Variants in ASIC2 observed in about 807,000 individuals in gnomAD.
ASIC2 encodes acid sensing ion channel subunit 2.
Under a neutral mutation model 57.3 loss-of-function variants are expected in ASIC2, and 25 were observed. The observed-to-expected ratio is 0.44, with a 90% CI of 0.32 to 0.61. The LOEUF (loss-of-function observed/expected upper bound fraction) is 0.61, where lower values mean the gene tolerates loss of function less well. Among genes scored for constraint, ASIC2 ranks in the 20% least tolerant of loss-of-function variants. ASIC2 has a pLI of 0.06. For missense variants in ASIC2, 641 were observed against 738.1 expected, an observed-to-expected ratio of 0.87 and a Z score of 1.52; for synonymous variants, 319 against 307.5, an observed-to-expected ratio of 1.04 and a Z score of -0.39.
At chr17:33,746,657 A>G (rs1249690412) in intron 1 of ASIC2, among the ~76,000 whole-genome samples, 1 of 152,018 alleles carries the variant, frequency 6.6e-6, no homozygotes, top group Admixed American at 6.5e-5. Context: ...CACTTTTAAT[A>G]ATGGATAGAA....
chr17:33,725,843 T>G (rs8067435), intron 1 of ASIC2, among the ~76,000 whole-genome samples: 26,495 of 151,556 alleles, frequency 0.17, 2,908 homozygotes, highest in African/African-American at 0.31. Context: ...CACAAACCGC[T>G]GTAGCACAAC....
At chr17:33,905,841 T>C in intron 1 of ASIC2, among the ~76,000 whole-genome samples, 1 of 151,884 alleles carries the variant, frequency 6.6e-6, no homozygotes, top group East Asian at 1.9e-4. Context: ...ATCAGGTTCT[T>C]GGTTCTTGCT....
intron 1 of ASIC2, among the ~76,000 whole-genome samples, chr17:33,354,371 C>A (rs1908298227): frequency 6.6e-6 from 1 of 152,184 alleles, no homozygotes. Flanking sequence ...TGGACCAGAG[C>A]AATAGCTTCC....
chr17:33,441,842 G>A (rs1911833299), intron 1 of ASIC2, among the ~76,000 whole-genome samples: 1 of 152,034 alleles, frequency 6.6e-6, no homozygotes, highest in Non-Finnish European at 1.5e-5. Context: ...AGAAATTTGG[G>A]TCTTCATTTC....
At chr17:33,050,667 T>C (rs777414651) in intron 3 of ASIC2, among the ~76,000 whole-genome samples, 7 of 152,174 alleles carry the variant, frequency 4.6e-5, no homozygotes, top group Non-Finnish European at 8.8e-5. Flanking sequence ...GATGAGCAGA[T>C]GCAAACTGTT....
At chr17:33,244,292 G>A (rs1908613837) in intron 1 of ASIC2, among the ~76,000 whole-genome samples, 1 of 152,200 alleles carries the variant, frequency 6.6e-6, no homozygotes, top group African/African-American at 2.4e-5. Context: ...CATTGGAAAG[G>A]CAGGTTAGGT....
chr17:33,300,744 G>C (rs573155792), intron 1 of ASIC2, among the ~76,000 whole-genome samples: 101 of 152,326 alleles, frequency 6.6e-4, no homozygotes, highest in African/African-American at 2.4e-3. Context: ...TTAGGATTCA[G>C]AAGTTTCTGT....
At chr17:33,188,255 T>C (rs1053032522) in intron 1 of ASIC2, among the ~76,000 whole-genome samples, 5 of 151,990 alleles carry the variant, frequency 3.3e-5, no homozygotes, top group Admixed American at 2.6e-4. Context: ...GACACAGTGA[T>C]AAAAACTATC....
intron 1 of ASIC2, among the ~76,000 whole-genome samples, chr17:33,759,885 G>A (rs1340152894): frequency 6.6e-6 from 1 of 152,128 alleles, no homozygotes; most frequent in African/African-American, 2.4e-5. Flanking sequence ...GGTGACCCAG[G>A]CAGAGACTTG....
chr17:33,750,075 A>G (rs965718407), intron 1 of ASIC2, among the ~76,000 whole-genome samples: 3 of 151,986 alleles, frequency 2.0e-5, no homozygotes, highest in African/African-American at 7.3e-5. Context: ...ACTCCTGTCC[A>G]TTGCATATCT....
At chr17:33,908,337 A>G (rs916076177) in intron 1 of ASIC2, among the ~76,000 whole-genome samples, 4 of 152,208 alleles carry the variant, frequency 2.6e-5, no homozygotes, top group Non-Finnish European at 5.9e-5. Flanking sequence ...TTGGATGACA[A>G]TATTGAGCCA....
At chr17:33,991,835 G>A (rs886975760) in intron 1 of ASIC2, among the ~76,000 whole-genome samples, 6 of 152,156 alleles carry the variant, frequency 3.9e-5, no homozygotes, top group African/African-American at 1.4e-4. Flanking sequence ...CATCACTGAG[G>A]CTGACAATTG....
chr17:33,196,151 C>T (rs890217621), intron 1 of ASIC2, among the ~76,000 whole-genome samples: 3 of 152,134 alleles, frequency 2.0e-5, no homozygotes, highest in South Asian at 2.1e-4. Context: ...CTCATTTCAT[C>T]GTTCCTAAAA....
chr17:33,854,679 G>A (rs1913867623), intron 1 of ASIC2, among the ~76,000 whole-genome samples: 1 of 152,166 alleles, frequency 6.6e-6, no homozygotes, highest in Admixed American at 6.5e-5. Flanking sequence ...GTGCCAACCT[G>A]CACATTTGGG....
intron 1 of ASIC2, among the ~76,000 whole-genome samples, chr17:33,963,589 G>T (rs1044314668): frequency 1.3e-5 from 2 of 151,858 alleles, no homozygotes; most frequent in Non-Finnish European, 2.9e-5. Context: ...CACATAACAG[G>T]TGCTTAAATT....
At chr17:33,769,710 G>C (rs1396257437) in intron 1 of ASIC2, among the ~76,000 whole-genome samples, 1 of 152,244 alleles carries the variant, frequency 6.6e-6, no homozygotes, top group Non-Finnish European at 1.5e-5. Context: ...TCTGGAGGAA[G>C]AGACGATCCA....
chr17:33,742,702 A>G (rs948434637), intron 1 of ASIC2, among the ~76,000 whole-genome samples: 4 of 152,198 alleles, frequency 2.6e-5, no homozygotes, highest in Admixed American at 2.0e-4. Context: ...CCCAGAACAT[A>G]GCTCTCCCCA....
intron 1 of ASIC2, among the ~76,000 whole-genome samples, chr17:33,703,982 C>T (rs570101800): frequency 6.6e-6 from 1 of 152,160 alleles, no homozygotes; most frequent in Non-Finnish European, 1.5e-5. Flanking sequence ...CTTTCCCACT[C>T]GCTTTTCTAT....
At position 33,446,924 on chromosome 17, in the gene ASIC2, C is replaced by A. The variant is rs149111809; in HGVS notation, c.556-334857G>T. Among the ~76,000 whole-genome samples the A allele has an allele frequency of 1.7e-3, 263 of 152,238 alleles. 3 individuals carry two copies. Among genetic ancestry groups the A allele is most frequent in the African/African-American group, 6.0e-3 (248 of 41,540 alleles). On this transcript the variant is annotated intron_variant, in intron 1 of 9. Coordinates refer to the ASIC2 transcript ENST00000359872. ...TGTAAGATGAAACAATAATTATCTG[C>A]CTAAGATATCATTTGGTAGATTAAA... is the stretch of plus-strand genomic sequence containing the variant.
Sources: gnomAD v4.1 joint callset for allele counts (sites outside exome capture counted in the v4.1 genomes callset) on GRCh38, gnomAD v4.1.1 for gene constraint, MANE v1.5 for transcripts, NCBI Gene and HGNC (gene_info 2026-07-23, HGNC 2026-07-21) for gene names.